The following CADM1 variants were observed in gnomAD, a reference collection of about 807,000 sequenced individuals.
CADM1 encodes TSLC-1.
In CADM1, 15 loss-of-function variants were observed where a neutral mutation model predicts 53.1. The ratio of observed to expected loss-of-function variants is 0.28; its 90% CI spans 0.19 to 0.44. The LOEUF (loss-of-function observed/expected upper bound fraction) is 0.44, where lower values mean the gene tolerates loss of function less well. Among genes scored for constraint, CADM1 ranks in the 20% least tolerant of loss-of-function variants. The pLI is 1.00. For synonymous variants in CADM1, 281 were observed against 243.0 expected, an observed-to-expected ratio of 1.16 and a Z score of -1.45; for missense variants, 434 against 611.3, an observed-to-expected ratio of 0.71 and a Z score of 3.06.
intron 1 of CADM1, among the ~76,000 whole-genome samples, chr11:115,284,223 G>T (rs1328792371): frequency 6.6e-6 from 1 of 151,372 alleles, no homozygotes. Flanking sequence ...AAGACTTTCT[G>T]CTCCTAGAAA....
intron 1 of CADM1, among the ~76,000 whole-genome samples, chr11:115,400,693 ATAT>A (rs1295394508): frequency 9.5e-6 from 1 of 105,482 alleles, no homozygotes; most frequent in Non-Finnish European, 2.0e-5. Flanking sequence ...ATATATATAT[ATAT>A]ATATATATAT....
chr11:115,215,733 C>T (rs1489438933), intron 6 of CADM1, among the ~76,000 whole-genome samples: 1 of 152,206 alleles, frequency 6.6e-6, no homozygotes, highest in African/African-American at 2.4e-5. Flanking sequence ...AGGCACTTCC[C>T]TCAACCTCCT....
At chr11:115,208,318 A>C (rs1940793075) in intron 8 of CADM1, among the ~76,000 whole-genome samples, 1 of 152,214 alleles carries the variant, frequency 6.6e-6, no homozygotes, top group Non-Finnish European at 1.5e-5. Flanking sequence ...AGAAAAGTGA[A>C]GAAAACTGAG....
At chr11:115,489,622 T>A (rs1466989870) in intron 1 of CADM1, among the ~76,000 whole-genome samples, 1 of 152,186 alleles carries the variant, frequency 6.6e-6, no homozygotes, top group Non-Finnish European at 1.5e-5. Context: ...GTGGAAGGTA[T>A]GAGGATAGGA....
At chr11:115,299,835 T>C (rs549326981) in intron 1 of CADM1, among the ~76,000 whole-genome samples, 1 of 152,286 alleles carries the variant, frequency 6.6e-6, no homozygotes, top group South Asian at 2.1e-4. Flanking sequence ...TCTCATTCAT[T>C]TGAAGACAGA....
chr11:115,247,528 T>C (rs1401908768), intron 1 of CADM1, among the ~76,000 whole-genome samples: 1 of 152,208 alleles, frequency 6.6e-6, no homozygotes, highest in Non-Finnish European at 1.5e-5. Flanking sequence ...TCATTAATCA[T>C]TGTTCAGACA....
chr11:115,271,939 A>C (rs1214757163), intron 1 of CADM1, among the ~76,000 whole-genome samples: 1 of 152,230 alleles, frequency 6.6e-6, no homozygotes, highest in Non-Finnish European at 1.5e-5. Context: ...CACCTGTCCC[A>C]GACTAAAAGC....
At chr11:115,418,667 T>C (rs1281020320) in intron 1 of CADM1, among the ~76,000 whole-genome samples, 1 of 152,174 alleles carries the variant, frequency 6.6e-6, no homozygotes, top group African/African-American at 2.4e-5. Context: ...ACCCCAATGT[T>C]TGTCACTACC....
At chr11:115,379,374 T>C (rs1946520014) in intron 1 of CADM1, among the ~76,000 whole-genome samples, 1 of 152,218 alleles carries the variant, frequency 6.6e-6, no homozygotes, top group Non-Finnish European at 1.5e-5. Context: ...CTCTTCCCTA[T>C]AGAAAGGTTG....
At chr11:115,430,844 A>T (rs1314310298) in intron 1 of CADM1, among the ~76,000 whole-genome samples, 1 of 151,996 alleles carries the variant, frequency 6.6e-6, no homozygotes, top group South Asian at 2.1e-4. Context: ...GGAATAAAAG[A>T]CTCTCTAGTA....
chr11:115,490,917 G>A (rs1949482480), intron 1 of CADM1, among the ~76,000 whole-genome samples: 1 of 152,204 alleles, frequency 6.6e-6, no homozygotes, highest in South Asian at 2.1e-4. Flanking sequence ...AGGATTAAAT[G>A]AGATCATGAA....
intron 1 of CADM1, among the ~76,000 whole-genome samples, chr11:115,458,817 C>T (rs1194325340): frequency 6.6e-6 from 1 of 152,246 alleles, no homozygotes; most frequent in African/African-American, 2.4e-5. Flanking sequence ...TCAAACTCAA[C>T]TGATATTTCC....
chr11:115,187,847 C>T lies in CADM1; in HGVS notation c.1165+3041G>A, dbSNP rs1276330688. ...ACACCTAGATGAGGGTTAGCAAAGCCATTTAGAATTGCCCTCCGAGGCCCA... is the reference window on the plus strand; with the variant it reads ...ACACCTAGATGAGGGTTAGCAAAGCTATTTAGAATTGCCCTCCGAGGCCCA... On this transcript the variant is annotated intron_variant, in intron 10 of 11. Coordinates refer to ENST00000331581, the MANE Select transcript of CADM1 (RefSeq NM_001301043.2). Among the ~76,000 whole-genome samples, 5 of 152,184 alleles carry T rather than the reference C, an allele frequency of 3.3e-5. 1 individual carries two copies. The highest frequency in any genetic ancestry group is 3.3e-4 in the Admixed American group (5 of 15,284).
chr11:115,420,065 A>G (rs1391419414), intron 1 of CADM1, among the ~76,000 whole-genome samples: 2 of 152,166 alleles, frequency 1.3e-5, no homozygotes, highest in Admixed American at 1.3e-4. Context: ...TAAAATATGC[A>G]CATGCCCAGG....
chr11:115,291,630 G>T (rs1441679283), intron 1 of CADM1, among the ~76,000 whole-genome samples: 1 of 152,114 alleles, frequency 6.6e-6, no homozygotes, highest in Non-Finnish European at 1.5e-5. Flanking sequence ...ATGCAGTTTT[G>T]ATATTATCAT....
At chr11:115,488,513 T>C (rs138198014) in intron 1 of CADM1, among the ~76,000 whole-genome samples, 156 of 152,318 alleles carry the variant, frequency 1.0e-3, no homozygotes, top group Middle Eastern at 3.4e-3. Context: ...TACAAACGCA[T>C]TTAAAAAATA....
intron 1 of CADM1, among the ~76,000 whole-genome samples, chr11:115,244,816 A>C (rs1270857593): frequency 6.6e-6 from 1 of 152,200 alleles, no homozygotes; most frequent in East Asian, 1.9e-4. Flanking sequence ...ACACAATTAC[A>C]CACTTTAAGA....
chr11:115,484,946 CAAAA>C (rs113318647), intron 1 of CADM1, among the ~76,000 whole-genome samples: 2 of 91,848 alleles, frequency 2.2e-5, no homozygotes, highest in Admixed American at 1.2e-4. Context: ...GACTCTGTCT[CAAAA>C]AAAAAAAAAA....
intron 1 of CADM1, among the ~76,000 whole-genome samples, chr11:115,501,868 G>A (rs1949734158): frequency 6.6e-6 from 1 of 152,026 alleles, no homozygotes; most frequent in Non-Finnish European, 1.5e-5. Context: ...ATGGGACCCC[G>A]GAATGAGCCA....
Sources: allele counts gnomAD v4.1 joint callset (sites outside exome capture counted in the v4.1 genomes callset), GRCh38; gene constraint gnomAD v4.1.1; transcripts MANE v1.5; gene names NCBI Gene and HGNC (gene_info 2026-07-23, HGNC 2026-07-21).